The following KCNQ1OT1 variants were observed in gnomAD, a reference collection of about 807,000 sequenced individuals.
KCNQ1OT1 encodes the protein KCNQ1 opposite strand/antisense transcript 1.
At position 2,677,172 on chromosome 11, in the gene KCNQ1OT1, C is replaced by T. The variant is rs542129721; in HGVS notation, n.22823G>A. On this transcript the variant is annotated non_coding_transcript_exon_variant, in exon 1 of 1. Transcript: ENST00000597346. This position sits in a 1 kb window ranked among gnomAD's most constrained non-coding sequence, Gnocchi z 4.5. Reference sequence around the variant, plus strand: ...GTTGTTTCTCCCTATCCATCTTATCCCTACTTGTATCTCTGCTGACTGACC... The same window carrying T: ...GTTGTTTCTCCCTATCCATCTTATCTCTACTTGTATCTCTGCTGACTGACC... 2.5e-6 allele frequency: 1 copy of T among 398,572 alleles called. No homozygotes were observed. Among genetic ancestry groups the T allele is most frequent in the South Asian group, 1.3e-4 (1 of 7,852 alleles). 24.7% of individuals were successfully genotyped at this position (398,572 alleles called of 1,614,324 possible).
chr11:2,647,555 G>C lies in KCNQ1OT1; in HGVS notation n.52440C>G. 7.5e-6 allele frequency: 3 copies of C among 398,496 alleles called. No homozygotes were observed. The highest frequency in any genetic ancestry group is 1.3e-5 in the Non-Finnish European group (3 of 226,040). 24.7% of individuals were successfully genotyped at this position (398,496 alleles called of 1,614,324 possible). ...GAATTCCTTTCTCTTCAGTCTTTTG[G>C]AATTGTCTGAGAAGAATTCATGTTA... On this transcript the variant is annotated non_coding_transcript_exon_variant, in exon 1 of 1. Coordinates refer to ENST00000597346, the Ensembl canonical transcript of KCNQ1OT1. The surrounding 1 kb of genome is among the most constrained non-coding windows in gnomAD (Gnocchi z 4.0).
In KCNQ1OT1 at chr11:2,611,123, T is replaced by C. The variant is rs1427591134; in HGVS notation, n.88872A>G. 1 of 398,464 alleles carries C rather than the reference T, an allele frequency of 2.5e-6. No individual in the cohort carries two copies. Among genetic ancestry groups the C allele is most frequent in the African/African-American group, 2.1e-5 (1 of 48,638 alleles). The allele number at this position is 398,464 out of a possible 1,614,324, so 24.7% of individuals were successfully genotyped here. ...ATGACTTCTGTTTATGATTTCTATT[T>C]CTTCCTGTTAAATTTTCCCTTTTGT... On this transcript the variant is annotated non_coding_transcript_exon_variant, in exon 1 of 1. Coordinates refer to ENST00000597346, the Ensembl canonical transcript of KCNQ1OT1. The surrounding 1 kb of genome is among the most constrained non-coding windows in gnomAD (Gnocchi z 5.3).
At chr11:2,614,435 G>C (rs1849028188) in exon 1 of KCNQ1OT1, 4 of 398,198 alleles carry the variant, frequency 1.0e-5, no homozygotes, top group Non-Finnish European at 1.8e-5. Flanking sequence ...TGTTTTTTGT[G>C]TCTTTTCTAA....
Position 2,668,144 on chromosome 11 carries a change from G to A in KCNQ1OT1, n.31851C>T, listed in dbSNP as rs1355967379. ...CTGGCAGCCTCTCTATGGGGCTGAA[G>A]GGAGAGTGCTCCCTCATGCTCCTTG... is the stretch of plus-strand genomic sequence containing the variant. On this transcript the variant is annotated non_coding_transcript_exon_variant, in exon 1 of 1. Transcript: ENST00000597346. This position sits in a 1 kb window ranked among gnomAD's most constrained non-coding sequence, Gnocchi z 4.3. 7.5e-6 allele frequency: 3 copies of A among 398,516 alleles called. No individual in the cohort carries two copies. The highest frequency in any genetic ancestry group is 7.1e-5 in the East Asian group (2 of 28,092). The allele number at this position is 398,516 out of a possible 1,614,324, so 24.7% of individuals were successfully genotyped here. A position where few individuals can be genotyped will look rare whatever the true frequency, so the allele number is the denominator to read the frequency against.
In KCNQ1OT1 at chr11:2,664,919, G is replaced by A. The variant is rs374932515; in HGVS notation, n.35076C>T. On this transcript the variant is annotated non_coding_transcript_exon_variant, in exon 1 of 1. Coordinates refer to ENST00000597346, the Ensembl canonical transcript of KCNQ1OT1. This position sits in a 1 kb window ranked among gnomAD's most constrained non-coding sequence, Gnocchi z 5.1. ...TTTGTTTCCATCTCGAGCTCTCCCC[G>A]CCCGCAGGGCCCCAGAGAGGTGAGG... is the stretch of plus-strand genomic sequence containing the variant. The A allele has an allele frequency of 2.5e-4, 99 of 398,516 alleles. No individual in the cohort carries two copies. Among genetic ancestry groups the A allele is most frequent in the African/African-American group, 1.4e-3 (66 of 48,696 alleles). 24.7% of individuals were successfully genotyped at this position (398,516 alleles called of 1,614,324 possible).
In KCNQ1OT1 at chr11:2,699,502, TGAGGAGCCCCCAGGAGAGTGCCGC is replaced by T. The variant is rs1205178083; in HGVS notation, n.469_492del. 3.5e-5 allele frequency: 6 copies of T among 171,878 alleles called. No individual in the cohort carries two copies. In the East Asian group the frequency reaches 5.4e-3, roughly 156 times the overall value. 10.6% of individuals were successfully genotyped at this position (171,878 alleles called of 1,614,324 possible). On this transcript the variant is annotated non_coding_transcript_exon_variant, in exon 1 of 1. Coordinates refer to ENST00000597346, the Ensembl canonical transcript of KCNQ1OT1. ...GGAGCCCCCGGGGAGAGTGCCGCGC[TGAGGAGCCCCCAGGAGAGTGCCGC>T]GCTGAGGAGGCCCAGGGAGGACCGC... is the stretch of plus-strand genomic sequence containing the variant.
exon 1 of KCNQ1OT1, chr11:2,610,554 T>C: frequency 2.5e-6 from 1 of 398,464 alleles, no homozygotes; most frequent in South Asian, 1.3e-4. Flanking sequence ...TGGATATATG[T>C]GAACTTCCTG....
chr11:2,619,711 C>A (rs1849131603), exon 1 of KCNQ1OT1: 2 of 385,082 alleles, frequency 5.2e-6, no homozygotes, highest in Non-Finnish European at 4.5e-6. Flanking sequence ...CCTTTAGCTG[C>A]ATTTTTTTTT....
At position 2,611,391 on chromosome 11, in the gene KCNQ1OT1, T is replaced by C. The variant is rs756232546; in HGVS notation, n.88604A>G. ...TTTGCCACCATACCCAGCTAATTTT[T>C]AGTAGAGACAGAGTTTCACCATGTT... On this transcript the variant is annotated non_coding_transcript_exon_variant, in exon 1 of 1. Transcript: ENST00000597346. This position sits in a 1 kb window ranked among gnomAD's most constrained non-coding sequence, Gnocchi z 5.3. The C allele has an allele frequency of 5.0e-6, 2 of 397,580 alleles. No homozygotes were observed. The highest frequency in any genetic ancestry group is 8.8e-6 in the Non-Finnish European group (2 of 225,992). 24.6% of individuals were successfully genotyped at this position (397,580 alleles called of 1,614,324 possible).
At position 2,612,868 on chromosome 11, in the gene KCNQ1OT1, C is replaced by T. The variant is rs1187011262; in HGVS notation, n.87127G>A. Reference sequence around the variant, plus strand: ...GTAGAAACTCTGGATTCTAGTTCTTCTCCCTAACCAGGGATGATTTCTGTT... The same window carrying T: ...GTAGAAACTCTGGATTCTAGTTCTTTTCCCTAACCAGGGATGATTTCTGTT... On this transcript the variant is annotated non_coding_transcript_exon_variant, in exon 1 of 1. Transcript: ENST00000597346. The surrounding 1 kb of genome is among the most constrained non-coding windows in gnomAD (Gnocchi z 5.5). 1 of 398,448 alleles carries T rather than the reference C, an allele frequency of 2.5e-6. No homozygotes were observed. Among genetic ancestry groups the T allele is most frequent in the East Asian group, 3.6e-5 (1 of 28,084 alleles). The allele number at this position is 398,448 out of a possible 1,614,324, so 24.7% of individuals were successfully genotyped here. A position where few individuals can be genotyped will look rare whatever the true frequency, so the allele number is the denominator to read the frequency against.
At position 2,674,401 on chromosome 11, in the gene KCNQ1OT1, G is replaced by A. The variant is rs928202759; in HGVS notation, n.25594C>T. 7.5e-6 allele frequency: 3 copies of A among 398,390 alleles called. No individual in the cohort carries two copies. The highest frequency in any genetic ancestry group is 1.3e-5 in the Non-Finnish European group (3 of 226,040). The allele number at this position is 398,390 out of a possible 1,614,324, so 24.7% of individuals were successfully genotyped here. On this transcript the variant is annotated non_coding_transcript_exon_variant, in exon 1 of 1. Coordinates refer to ENST00000597346, the Ensembl canonical transcript of KCNQ1OT1. This position sits in a 1 kb window ranked among gnomAD's most constrained non-coding sequence, Gnocchi z 5.9. Reference sequence around the variant, plus strand: ...TTAGGGAAGGTGCATGCGTGCGTGTGTGTGTGCGCGCCCGCGCGCACACGA... The same window carrying A: ...TTAGGGAAGGTGCATGCGTGCGTGTATGTGTGCGCGCCCGCGCGCACACGA...
chr11:2,614,656 A>T, exon 1 of KCNQ1OT1: 2 of 398,476 alleles, frequency 5.0e-6, no homozygotes, highest in Non-Finnish European at 8.9e-6. Flanking sequence ...TGAATTCTTG[A>T]TACATTTGTT....
rs1589990897 is a variant in KCNQ1OT1, at chr11:2,628,706, C to T, written n.71289G>A. ...TTTGATGTCACATCTAAAAAATTGT[C>T]ACAAAAACCAATGGCAAGGAGCTTT... is the stretch of plus-strand genomic sequence containing the variant. On this transcript the variant is annotated non_coding_transcript_exon_variant, in exon 1 of 1. Transcript: ENST00000597346. 6 of 398,174 alleles carry T rather than the reference C, an allele frequency of 1.5e-5. No homozygotes were observed. The East Asian group carries it at 2.1e-4, about 14-fold the overall frequency. The allele number at this position is 398,174 out of a possible 1,614,324, so 24.7% of individuals were successfully genotyped here.
exon 1 of KCNQ1OT1, chr11:2,680,596 T>C: frequency 2.5e-6 from 1 of 398,570 alleles, no homozygotes; most frequent in Non-Finnish European, 4.4e-6. Flanking sequence ...TCTCCCCCGA[T>C]AGTAACATCT....
At position 2,658,899 on chromosome 11, in the gene KCNQ1OT1, T is replaced by C; in HGVS notation, n.41096A>G. 1 of 398,604 alleles carries C rather than the reference T, an allele frequency of 2.5e-6. No individual in the cohort carries two copies. Among genetic ancestry groups the C allele is most frequent in the East Asian group, 3.6e-5 (1 of 28,080 alleles). 24.7% of individuals were successfully genotyped at this position (398,604 alleles called of 1,614,324 possible). A position where few individuals can be genotyped will look rare whatever the true frequency, so the allele number is the denominator to read the frequency against. ...TATTTGTGTAACCCTATTGTACACGTAGTACCCTATGTGAAGCAAATTTAC... is the reference window on the plus strand; with the variant it reads ...TATTTGTGTAACCCTATTGTACACGCAGTACCCTATGTGAAGCAAATTTAC... On this transcript the variant is annotated non_coding_transcript_exon_variant, in exon 1 of 1. Transcript: ENST00000597346. This position sits in a 1 kb window ranked among gnomAD's most constrained non-coding sequence, Gnocchi z 4.9.
exon 1 of KCNQ1OT1, chr11:2,631,922 C>G: frequency 2.5e-6 from 1 of 397,502 alleles, no homozygotes; most frequent in Non-Finnish European, 4.4e-6. Flanking sequence ...GTGGCTCACG[C>G]CTGTAATCCC....
Position 2,642,441 on chromosome 11 carries a change from A to T in KCNQ1OT1, n.57554T>A. On this transcript the variant is annotated non_coding_transcript_exon_variant, in exon 1 of 1. Transcript: ENST00000597346. This position sits in a 1 kb window ranked among gnomAD's most constrained non-coding sequence, Gnocchi z 4.3. ...GTATATAGAAATAAGCCTGATTTTTAAATCCTGTAACTGTAATCAATTTAT... is the reference window on the plus strand; with the variant it reads ...GTATATAGAAATAAGCCTGATTTTTTAATCCTGTAACTGTAATCAATTTAT... 1 of 398,034 alleles carries T rather than the reference A, an allele frequency of 2.5e-6. No homozygotes were observed. The highest frequency in any genetic ancestry group is 3.6e-5 in the East Asian group (1 of 27,968). 24.7% of individuals were successfully genotyped at this position (398,034 alleles called of 1,614,324 possible).
At chr11:2,689,627 A>G in exon 1 of KCNQ1OT1, 1 of 398,702 alleles carries the variant, frequency 2.5e-6, no homozygotes, top group Non-Finnish European at 4.4e-6. Context: ...TAGGAACAAA[A>G]CAAGCCAGCA....
At chr11:2,633,545 A>T (rs1269649466) in exon 1 of KCNQ1OT1, 3 of 398,448 alleles carry the variant, frequency 7.5e-6, no homozygotes, top group Non-Finnish European at 1.3e-5. Flanking sequence ...TGATTTTTTT[A>T]TATGCTGAGA....
Sources: allele counts gnomAD v4.1 joint callset, GRCh38; gene constraint gnomAD v4.1.1; non-coding constraint Gnocchi (gnomAD v3.1); transcripts MANE v1.5; gene names NCBI Gene and HGNC (gene_info 2026-07-23, HGNC 2026-07-21).